MADD: variants seen among roughly 807,000 people sequenced by gnomAD.
MADD encodes MAP kinase activating death domain.
A neutral mutation model predicts 176.7 loss-of-function variants in MADD; 109 were observed. That is an observed-to-expected ratio of 0.62 (90% CI 0.53 to 0.72). MADD has a LOEUF of 0.72. Among genes scored for constraint, MADD ranks in the 30% least tolerant of loss-of-function variants. The pLI, the probability that MADD is intolerant of heterozygous loss-of-function variation, is 0.00. For synonymous variants in MADD, 771 were observed against 771.3 expected, an observed-to-expected ratio of 1.00 and a Z score of 0.01; for missense variants, 1,914 against 2,045.5, an observed-to-expected ratio of 0.94 and a Z score of 1.24.
In MADD at chr11:47,325,837, C is replaced by G. The variant is rs1007583980; in HGVS notation, c.4543-901C>G. Among the ~76,000 whole-genome samples, 23 of 152,224 alleles carry G rather than the reference C, an allele frequency of 1.5e-4. No homozygotes were observed. The highest frequency in any genetic ancestry group is 5.5e-4 in the African/African-American group (23 of 41,448). On this transcript the variant is annotated intron_variant, in intron 30 of 32. Coordinates refer to ENST00000402192, the Ensembl canonical transcript of MADD. This position sits in a 1 kb window ranked among gnomAD's most constrained non-coding sequence, Gnocchi z 4.5. ...TGGCATAGCCCCACTGGGCAGCCAT[C>G]CAAGCCAGTCTGTGGTTGAAGGCTT...
chr11:47,293,907 T>C, exon 20 of MADD: 1 of 1,614,018 alleles, frequency 6.2e-7, no homozygotes, highest in South Asian at 1.1e-5. Flanking sequence ...AAACCTGTCT[T>C]TGACCTTGGT....
intron 22 of MADD, among the ~76,000 whole-genome samples, chr11:47,297,477 C>T (rs1403800848): frequency 8.1e-5 from 12 of 148,428 alleles, no homozygotes; most frequent in African/African-American, 2.7e-4. Flanking sequence ...GATGGAGTCT[C>T]GCTGTGTCAC....
chr11:47,289,590 T>C (rs2063498273), intron 16 of MADD, 97 bp downstream of exon 17: 1 of 1,004,926 alleles, frequency 1.0e-6, no homozygotes, highest in African/African-American at 1.6e-5. Flanking sequence ...AGAGAAGCTC[T>C]CAATGGGGTA....
At chr11:47,323,874 T>C (rs1273919575) in intron 28 of MADD, 39 bp downstream of exon 31, 4 of 1,594,550 alleles carry the variant, frequency 2.5e-6, no homozygotes, top group Non-Finnish European at 3.4e-6. Context: ...CTAGTAGGCA[T>C]TGAAGACCAA....
At chr11:47,284,490 A>G (rs761937234) in exon 12 of MADD, 5 of 1,614,134 alleles carry the variant, frequency 3.1e-6, no homozygotes, top group Non-Finnish European at 3.4e-6. Flanking sequence ...ACTCTCAGGA[A>G]AACCCCCCAC....
chr11:47,315,167 G>C (rs1445328606), intron 26 of MADD, 53 bp from the exon 30 acceptor site: 1 of 1,071,470 alleles, frequency 9.3e-7, no homozygotes, highest in Non-Finnish European at 1.4e-6. Context: ...TCTTGGCCCA[G>C]AGCCCTCTGA....
chr11:47,308,127 A>AT (rs1465113783), intron 22 of MADD, among the ~76,000 whole-genome samples: 4 of 152,246 alleles, frequency 2.6e-5, no homozygotes, highest in Admixed American at 6.5e-5. Context: ...GTATCTTCAA[A>AT]TTTAATTCTT....
At chr11:47,293,125 C>G (rs2138865985) in intron 19 of MADD, among the ~76,000 whole-genome samples, 1 of 152,122 alleles carries the variant, frequency 6.6e-6, no homozygotes, top group Non-Finnish European at 1.5e-5. Flanking sequence ...TAGGCAGTGC[C>G]CACCAAAACA....
At chr11:47,276,585 G>A in intron 4 of MADD, 147 bp from the exon 5 acceptor site, 2 of 866,370 alleles carry the variant, frequency 2.3e-6, no homozygotes, top group Non-Finnish European at 3.6e-6. Context: ...GGAGGTGGCA[G>A]GCATGGTGGG....
chr11:47,279,147 A>G (rs1431573345), intron 7 of MADD, 68 bp downstream of exon 7: 1 of 1,450,564 alleles, frequency 6.9e-7, no homozygotes, highest in African/African-American at 1.4e-5. Flanking sequence ...GAAGACAGCT[A>G]TTCTCAGAGC....
intron 3 of MADD, 40 bp downstream of exon 3, chr11:47,275,199 G>C: frequency 1.3e-6 from 2 of 1,544,670 alleles, no homozygotes; most frequent in Non-Finnish European, 1.8e-6. Context: ...GAAGCATTTA[G>C]AGATTCCATG....
chr11:47,309,290 G>A (rs376745148), exon 24 of MADD: 15 of 1,614,046 alleles, frequency 9.3e-6, no homozygotes, highest in South Asian at 3.3e-5. Flanking sequence ...GGCAAAGAGC[G>A]TTCTACTTTA....
At chr11:47,282,745 T>G in intron 9 of MADD, 68 bp from the exon 10 acceptor site, 1 of 1,598,456 alleles carries the variant, frequency 6.3e-7, no homozygotes, top group Non-Finnish European at 8.6e-7. Flanking sequence ...TTTCCTGCCT[T>G]TCTTTCAGGC....
intron 26 of MADD, among the ~76,000 whole-genome samples, chr11:47,312,765 G>A (rs73451770): frequency 0.013 from 2,005 of 152,286 alleles, 58 homozygotes; most frequent in African/African-American, 0.046. Flanking sequence ...AATGCCAGTT[G>A]TGCTTGTAAA....
intron 1 of MADD, among the ~76,000 whole-genome samples, chr11:47,273,176 C>T (rs2046368570): frequency 6.6e-6 from 1 of 152,144 alleles, no homozygotes; most frequent in Admixed American, 6.5e-5. Context: ...CTGGTTTGAT[C>T]CTGATCCACC....
chr11:47,293,285 A>AT (rs2067008421), intron 19 of MADD, among the ~76,000 whole-genome samples: 1 of 149,932 alleles, frequency 6.7e-6, no homozygotes. Flanking sequence ...TGGTTTAGAC[A>AT]TTTGTTCGTG....
intron 26 of MADD, among the ~76,000 whole-genome samples, chr11:47,314,096 C>G (rs1215577680): frequency 6.6e-6 from 1 of 151,958 alleles, no homozygotes; most frequent in African/African-American, 2.4e-5. Context: ...AAAAAATTAG[C>G]TAGGCATGGT....
chr11:47,318,842 C>G (rs934208169), intron 27 of MADD, among the ~76,000 whole-genome samples: 5 of 125,480 alleles, frequency 4.0e-5, no homozygotes, highest in Admixed American at 9.5e-5. Context: ...GAGTCTCACT[C>G]TGTTGCCCAG....
At chr11:47,274,369 AT>A (rs2047881175) in intron 2 of MADD, among the ~76,000 whole-genome samples, 193 bp from the exon 3 acceptor site, 1 of 152,216 alleles carries the variant, frequency 6.6e-6, no homozygotes, top group Non-Finnish European at 1.5e-5. Context: ...TTCAGAATAG[AT>A]GCCTTCATGA....
Sources: gnomAD v4.1 joint callset for allele counts (sites outside exome capture counted in the v4.1 genomes callset) on GRCh38, gnomAD v4.1.1 for gene constraint, Gnocchi (gnomAD v3.1) non-coding constraint, MANE v1.5 for transcripts, NCBI Gene and HGNC (gene_info 2026-07-23, HGNC 2026-07-21) for gene names.